LLPH: variants seen among roughly 807,000 people sequenced by gnomAD.
The protein encoded by LLPH is protein LLP homolog.
In LLPH, 5 loss-of-function variants were observed where a neutral mutation model predicts 13.3. The observed-to-expected ratio is 0.38, with a 90% CI of 0.20 to 0.79. The LOEUF is 0.79. LLPH is among the 30% of genes least tolerant of loss of function. The pLI, the probability that LLPH is intolerant of heterozygous loss-of-function variation, is 0.45. For synonymous variants in LLPH, 32 were observed against 44.2 expected (o/e 0.72, Z 1.09); for missense variants, 129 against 152.1 (o/e 0.85, Z 0.80).
At chr12:66,126,330 A>G (rs915957604) in intron 2 of LLPH, among the ~76,000 whole-genome samples, 2 of 129,936 alleles carry the variant, frequency 1.5e-5, no homozygotes, top group African/African-American at 5.9e-5. Context: ...TCTCAAAAAA[A>G]AAAAGTAAAA....
In LLPH at chr12:66,128,974, G is replaced by C. The variant is rs2136831680; in HGVS notation, c.133C>G (p.Gln45Glu). 2 of 1,612,958 alleles carry C rather than the reference G, an allele frequency of 1.2e-6. No homozygotes were observed. Among genetic ancestry groups the C allele is most frequent in the African/African-American group, 1.3e-5 (1 of 74,886 alleles). The change falls in exon 2 of 3, where the codon CAA becomes GAA. Residue 45 changes from glutamine to glutamate, a missense_variant. Physicochemically the swap from Gln to Glu is conservative, Grantham distance 29. Transcript: ENST00000266604. Reference protein sequence around the residue: ...LDGDVLMKDVQEIATVVVPKP... With the variant: ...LDGDVLMKDVEEIATVVVPKP... ...GGTACCACCACAGTTGCTATCTCTT[G>C]AACATCTTTCATTAAAACATCACCG... is the stretch of plus-strand genomic sequence containing the variant.
chr12:66,123,535 C>T lies in LLPH; in HGVS notation c.*305G>A. 6.5e-6 allele frequency: 2 copies of T among 308,138 alleles called. No homozygotes were observed. Among genetic ancestry groups the T allele is most frequent in the Non-Finnish European group, 5.9e-6 (1 of 169,280 alleles). The allele number at this position is 308,138 out of a possible 1,614,324, so 19.1% of individuals were successfully genotyped here. A position where few individuals can be genotyped will look rare whatever the true frequency, so the allele number is the denominator to read the frequency against. On this transcript the variant is annotated 3_prime_UTR_variant, in exon 3 of 3. Coordinates refer to ENST00000266604, the MANE Select transcript of LLPH (RefSeq NM_032338.4). ...TTTTATCTCTATTGACTATAATTAC[C>T]AGTTGTAAGAACAATTCTAACCATA...
chr12:66,125,322 T>G (rs1021446788), intron 2 of LLPH, among the ~76,000 whole-genome samples: 1 of 152,166 alleles, frequency 6.6e-6, no homozygotes, highest in Admixed American at 6.5e-5. Flanking sequence ...AATGTATTTT[T>G]GGGACAATCA....
Position 66,120,876 on chromosome 12 carries a change from G to C in LLPH, c.*2964C>G, listed in dbSNP as rs1490915438. ...TAGTCTAAATTTCCTGCCAATATTT[G>C]GAGGTGGGGAGAATCTTGCTGGTAG... On this transcript the variant is annotated 3_prime_UTR_variant, in exon 3 of 3. Transcript: ENST00000266604. The C allele has an allele frequency of 6.6e-6, 1 of 152,224 alleles. No homozygotes were observed. Among genetic ancestry groups the C allele is most frequent in the Admixed American group, 6.5e-5 (1 of 15,272 alleles). The allele number at this position is 152,224 out of a possible 1,614,324, so 9.4% of individuals were successfully genotyped here.
rs2051435676 is a variant in LLPH, at chr12:66,117,464, A to C, written c.*6376T>G. Reference sequence around the variant, plus strand: ...AACATCACAGTGCAATGCATTACTCACGTGTTTGTGGTGATGCTGGTGTAA... The same window carrying C: ...AACATCACAGTGCAATGCATTACTCCCGTGTTTGTGGTGATGCTGGTGTAA... On this transcript the variant is annotated 3_prime_UTR_variant, in exon 3 of 3. Transcript: ENST00000266604. The C allele has an allele frequency of 6.6e-6, 1 of 152,240 alleles. No individual in the cohort carries two copies. The highest frequency in any genetic ancestry group is 2.4e-5 in the African/African-American group (1 of 41,458). 9.4% of individuals were successfully genotyped at this position (152,240 alleles called of 1,614,324 possible).
chr12:66,119,850 T>A lies in LLPH; in HGVS notation c.*3990A>T, dbSNP rs2051451861. On this transcript the variant is annotated 3_prime_UTR_variant, in exon 3 of 3. Coordinates refer to ENST00000266604, the MANE Select transcript of LLPH (RefSeq NM_032338.4). ...TTTATAGCTATTTTTCTTCTCCAAC[T>A]CTTAAGCCATATTCCAGAAACACGG... 6.6e-6 allele frequency: 1 copy of A among 152,222 alleles called. No individual in the cohort carries two copies. Among genetic ancestry groups the A allele is most frequent in the South Asian group, 2.1e-4 (1 of 4,834 alleles). 9.4% of individuals were successfully genotyped at this position (152,222 alleles called of 1,614,324 possible). A position where few individuals can be genotyped will look rare whatever the true frequency, so the allele number is the denominator to read the frequency against.
At position 66,116,570 on chromosome 12, in the gene LLPH, C is replaced by CT. The variant is rs1305240385; in HGVS notation, c.*7269dup. Reference sequence around the variant, plus strand: ...GATCACAAGATACATGACAAATGTACTTTATTACATGGATCAGAAATACCA... The same window carrying CT: ...GATCACAAGATACATGACAAATGTACTTTTATTACATGGATCAGAAATACCA... On this transcript the variant is annotated 3_prime_UTR_variant, in exon 3 of 3. Coordinates refer to ENST00000266604, the MANE Select transcript of LLPH (RefSeq NM_032338.4). The CT allele has an allele frequency of 6.6e-6, 1 of 152,202 alleles. No individual in the cohort carries two copies. The highest frequency in any genetic ancestry group is 1.9e-4 in the East Asian group (1 of 5,194). The allele number at this position is 152,202 out of a possible 1,614,324, so 9.4% of individuals were successfully genotyped here.
At chr12:66,129,198 A>G in intron 1 of LLPH, 85 bp from the exon 2 acceptor site, 1 of 852,638 alleles carries the variant, frequency 1.2e-6, no homozygotes, top group Non-Finnish European at 1.9e-6. Context: ...CCAGGCCAAC[A>G]GGTATCTCTA....
At chr12:66,130,680 T>G (rs2051529737) in intron 1 of LLPH, 25 bp downstream of exon 1, 1 of 152,298 alleles carries the variant, frequency 6.6e-6, no homozygotes. Flanking sequence ...CATGTGTCAC[T>G]GGACCGGTGA....
At chr12:66,128,575 T>C (rs74536407) in intron 2 of LLPH, among the ~76,000 whole-genome samples, 8,268 of 152,258 alleles carry the variant, frequency 0.054, 603 homozygotes, top group African/African-American at 0.16. Flanking sequence ...TAGAACTGTT[T>C]ATTCCTGAGA....
intron 2 of LLPH, among the ~76,000 whole-genome samples, chr12:66,127,358 C>T (rs888003271): frequency 6.6e-6 from 1 of 152,218 alleles, no homozygotes; most frequent in Non-Finnish European, 1.5e-5. Flanking sequence ...CTGATATATG[C>T]TACAATGTGC....
In LLPH at chr12:66,120,800, A is replaced by G. The variant is rs1304120516; in HGVS notation, c.*3040T>C. The stretch of plus-strand genomic sequence containing the variant: ...TATACTTCTCGATTTGTAATCTTTA[A>G]AAATAAAGTGCCAAAGATGTGACCA... On this transcript the variant is annotated 3_prime_UTR_variant, in exon 3 of 3. Transcript: ENST00000266604. 1 of 152,228 alleles carries G rather than the reference A, an allele frequency of 6.6e-6. No individual in the cohort carries two copies. Among genetic ancestry groups the G allele is most frequent in the African/African-American group, 2.4e-5 (1 of 41,454 alleles). 9.4% of individuals were successfully genotyped at this position (152,228 alleles called of 1,614,324 possible). A position where few individuals can be genotyped will look rare whatever the true frequency, so the allele number is the denominator to read the frequency against.
Position 66,120,031 on chromosome 12 carries a change from C to T in LLPH, c.*3809G>A, listed in dbSNP as rs1277082615. ...TGGTCAAAACCACTACTTGATTCTA[C>T]CTTAGAGCTTCAACTGCAGTTTGCA... On this transcript the variant is annotated 3_prime_UTR_variant, in exon 3 of 3. Coordinates refer to ENST00000266604, the MANE Select transcript of LLPH (RefSeq NM_032338.4). The T allele has an allele frequency of 6.6e-6, 1 of 152,196 alleles. No individual in the cohort carries two copies. Among genetic ancestry groups the T allele is most frequent in the African/African-American group, 2.4e-5 (1 of 41,444 alleles). The allele number at this position is 152,196 out of a possible 1,614,324, so 9.4% of individuals were successfully genotyped here.
intron 2 of LLPH, among the ~76,000 whole-genome samples, chr12:66,125,020 G>A (rs1448240300): frequency 3.9e-5 from 6 of 152,086 alleles, no homozygotes; most frequent in African/African-American, 1.4e-4. Context: ...TCACGCCTGT[G>A]AACAGCCACT....
intron 1 of LLPH, 93 bp downstream of exon 1, chr12:66,130,612 C>A (rs2051529103): frequency 6.6e-6 from 1 of 152,270 alleles, no homozygotes; most frequent in Admixed American, 6.5e-5. Flanking sequence ...TCAAGTATAG[C>A]CCAGCGAGTG....
chr12:66,121,865 CAG>C lies in LLPH; in HGVS notation c.*1973_*1974del. 8.5e-6 allele frequency: 1 copy of C among 118,114 alleles called. No individual in the cohort carries two copies. The highest frequency in any genetic ancestry group is 1.1e-4 in the Admixed American group (1 of 9,100). 7.3% of individuals were successfully genotyped at this position (118,114 alleles called of 1,614,324 possible). ...GTGCCAATCACTCCAGCCTGGGTGA[CAG>C]AGTGAGACCCCATCTCAAAAAAAAA... On this transcript the variant is annotated 3_prime_UTR_variant, in exon 3 of 3. Transcript: ENST00000266604.
Position 66,119,594 on chromosome 12 carries a change from T to G in LLPH, c.*4246A>C, listed in dbSNP as rs2051450484. The stretch of plus-strand genomic sequence containing the variant: ...CAAATAGAGGGAAAAAGACATATAT[T>G]TTGTGTTTAGCACAAATTTGAATCA... On this transcript the variant is annotated 3_prime_UTR_variant, in exon 3 of 3. Coordinates refer to ENST00000266604, the MANE Select transcript of LLPH (RefSeq NM_032338.4). 6.6e-6 allele frequency: 1 copy of G among 152,240 alleles called. No homozygotes were observed. Among genetic ancestry groups the G allele is most frequent in the African/African-American group, 2.4e-5 (1 of 41,470 alleles). 9.4% of individuals were successfully genotyped at this position (152,240 alleles called of 1,614,324 possible).
Position 66,121,748 on chromosome 12 carries a change from G to C in LLPH, c.*2092C>G, listed in dbSNP as rs2051464348. 1 of 151,834 alleles carries C rather than the reference G, an allele frequency of 6.6e-6. No homozygotes were observed. The allele number at this position is 151,834 out of a possible 1,614,324, so 9.4% of individuals were successfully genotyped here. A position where few individuals can be genotyped will look rare whatever the true frequency, so the allele number is the denominator to read the frequency against. The stretch of plus-strand genomic sequence containing the variant: ...AAAATACAAAAATTAGCTGGGCGTG[G>C]TGGCACCCACCTGTAGTCCCAGCTA... On this transcript the variant is annotated 3_prime_UTR_variant, in exon 3 of 3. Transcript: ENST00000266604.
rs998952993 is a variant in LLPH, at chr12:66,121,903, A to C, written c.*1937T>G. ...CATCTCAAAAAAAAAAAAAAAAAAAACATAAATAATTCAGCTACTGTATTT... is the reference window on the plus strand; with the variant it reads ...CATCTCAAAAAAAAAAAAAAAAAAACCATAAATAATTCAGCTACTGTATTT... On this transcript the variant is annotated 3_prime_UTR_variant, in exon 3 of 3. Transcript: ENST00000266604. The C allele has an allele frequency of 1.3e-5, 2 of 151,186 alleles. No individual in the cohort carries two copies. The highest frequency in any genetic ancestry group is 4.2e-4 in the South Asian group (2 of 4,784). The allele number at this position is 151,186 out of a possible 1,614,324, so 9.4% of individuals were successfully genotyped here. A position where few individuals can be genotyped will look rare whatever the true frequency, so the allele number is the denominator to read the frequency against.
Sources: allele counts gnomAD v4.1 joint callset (sites outside exome capture counted in the v4.1 genomes callset), GRCh38; gene constraint gnomAD v4.1.1; transcripts MANE v1.5; gene names NCBI Gene and HGNC (gene_info 2026-07-23, HGNC 2026-07-21).